The following GTF3C1 variants were observed in gnomAD, a reference collection of about 807,000 sequenced individuals.
The protein encoded by GTF3C1 is general transcription factor 3C polypeptide 1.
GTF3C1 carries 57 observed loss-of-function variants against 226.7 expected under a neutral mutation model. The observed-to-expected ratio is 0.25, with a 90% CI of 0.20 to 0.31. The LOEUF is 0.31. Among genes scored for constraint, GTF3C1 ranks in the 10% least tolerant of loss-of-function variants. The pLI, the probability that GTF3C1 is intolerant of heterozygous loss-of-function variation, is 1.00. For synonymous variants in GTF3C1, 1,090 were observed against 1,084.8 expected (o/e 1.00, Z -0.09); for missense variants, 2,217 against 2,776.1 (o/e 0.80, Z 4.53).
Position 27,535,295 on chromosome 16 carries a change from G to A in GTF3C1, c.753-1908C>T, listed in dbSNP as rs535936050. On this transcript the variant is annotated intron_variant, in intron 4 of 36. Transcript: ENST00000356183. ...GCTTAAAAATGCCATATGATGGGCCGGATGTGATGGCTCACGCTTGTAATC... is the reference window on the plus strand; with the variant it reads ...GCTTAAAAATGCCATATGATGGGCCAGATGTGATGGCTCACGCTTGTAATC... Among the ~76,000 whole-genome samples the A allele has an allele frequency of 4.6e-5, 7 of 152,302 alleles. No individual in the cohort carries two copies. In the South Asian group the frequency reaches 8.3e-4, roughly 18 times the overall value.
chr16:27,512,041 CTT>C, intron 6 of GTF3C1, 140 bp from the exon 7 acceptor site: 1 of 901,192 alleles, frequency 1.1e-6, no homozygotes, highest in Non-Finnish European at 1.7e-6. Context: ...CGTGTCTGGA[CTT>C]TTAAAAATGG....
intron 7 of GTF3C1, 127 bp from the exon 8 acceptor site, chr16:27,508,782 G>A (rs376790207): frequency 3.0e-6 from 2 of 672,810 alleles, no homozygotes; most frequent in Non-Finnish European, 2.6e-6. Context: ...CAAAACATAC[G>A]CCATTTCTCT....
Position 27,461,571 on chromosome 16 carries a change from AC to A in GTF3C1, c.6118-10del. 6.2e-7 allele frequency: 1 copy of A among 1,602,484 alleles called. No individual in the cohort carries two copies. Among genetic ancestry groups the A allele is most frequent in the Non-Finnish European group, 8.5e-7 (1 of 1,170,224 alleles). On this transcript the variant is annotated splice_polypyrimidine_tract_variant and intron_variant, in intron 36 of 36. Transcript: ENST00000356183. The surrounding 1 kb of genome is among the most constrained non-coding windows in gnomAD (Gnocchi z 5.3). Reference sequence around the variant, plus strand: ...CCGAGGGACTCCAGGCCCTGGAGACACCAGACACACAGGTTACAGCGGCACT... The same window carrying A: ...CCGAGGGACTCCAGGCCCTGGAGACACAGACACACAGGTTACAGCGGCACT...
chr16:27,518,659 CA>C (rs2088699342), intron 6 of GTF3C1, among the ~76,000 whole-genome samples: 1 of 152,104 alleles, frequency 6.6e-6, no homozygotes, highest in Non-Finnish European at 1.5e-5. Context: ...GTGCTGGGCC[CA>C]GAACATGTAC....
intron 6 of GTF3C1, among the ~76,000 whole-genome samples, chr16:27,520,334 C>T (rs533634547): frequency 6.6e-6 from 1 of 152,092 alleles, no homozygotes; most frequent in South Asian, 2.1e-4. Flanking sequence ...AAGCTGGTCT[C>T]CAACTCCTGA....
At position 27,493,106 on chromosome 16, in the gene GTF3C1, C is replaced by T. The variant is rs1002573895; in HGVS notation, c.2876+93G>A. 8.2e-6 allele frequency: 6 copies of T among 735,598 alleles called. No homozygotes were observed. The African/African-American group carries it at 8.8e-5, about 11-fold the overall frequency. 45.6% of individuals were successfully genotyped at this position (735,598 alleles called of 1,614,324 possible). Reference sequence around the variant, plus strand: ...TTTTTGCAAGCTGGAAGTTAGAAACCTTTTCCTCTTCCTGGTGAATGATGG... The same window carrying T: ...TTTTTGCAAGCTGGAAGTTAGAAACTTTTTCCTCTTCCTGGTGAATGATGG... On this transcript the variant is annotated intron_variant, in intron 17 of 36. Coordinates refer to ENST00000356183, the MANE Select transcript of GTF3C1 (RefSeq NM_001520.4).
At chr16:27,502,463 G>A (rs927986730) in intron 11 of GTF3C1, among the ~76,000 whole-genome samples, 4 of 152,078 alleles carry the variant, frequency 2.6e-5, no homozygotes, top group South Asian at 2.1e-4. Flanking sequence ...CTCTATTTGC[G>A]CAAAATGCAC....
chr16:27,471,575 T>C lies in GTF3C1; in HGVS notation c.4526+173A>G, dbSNP rs1336106920. On this transcript the variant is annotated intron_variant, in intron 30 of 36. Coordinates refer to ENST00000356183, the MANE Select transcript of GTF3C1 (RefSeq NM_001520.4). This position sits in a 1 kb window ranked among gnomAD's most constrained non-coding sequence, Gnocchi z 5.0. ...GCTGCCAGCGCTCACCTGATCCCCA[T>C]ACCACGAAGGAGGTAAGGGGCTGCA... The C allele has an allele frequency of 1.7e-6, 1 of 594,148 alleles. No homozygotes were observed. The highest frequency in any genetic ancestry group is 3.0e-6 in the Non-Finnish European group (1 of 332,626). The allele number at this position is 594,148 out of a possible 1,614,324, so 36.8% of individuals were successfully genotyped here.
chr16:27,494,470 TCTAC>T (rs1401108350), intron 16 of GTF3C1, among the ~76,000 whole-genome samples: 4 of 151,912 alleles, frequency 2.6e-5, no homozygotes, highest in African/African-American at 7.3e-5. Context: ...TGTCTTTCTG[TCTAC>T]CTACCTACCA....
chr16:27,526,656 C>T (rs541360555), intron 6 of GTF3C1, among the ~76,000 whole-genome samples: 1 of 152,240 alleles, frequency 6.6e-6, no homozygotes, highest in Non-Finnish European at 1.5e-5. Context: ...GTCAGTCAGT[C>T]GCCATTTGCC....
At chr16:27,523,681 A>G (rs966455819) in intron 6 of GTF3C1, among the ~76,000 whole-genome samples, 3 of 152,194 alleles carry the variant, frequency 2.0e-5, no homozygotes, top group Non-Finnish European at 2.9e-5. Flanking sequence ...TAAAAAGGAC[A>G]TAAAGCATGT....
chr16:27,504,695 C>A (rs1230573478), intron 10 of GTF3C1, among the ~76,000 whole-genome samples: 1 of 151,904 alleles, frequency 6.6e-6, no homozygotes. Flanking sequence ...GCGGGAGGAT[C>A]ACTTGAGCCC....
In GTF3C1 at chr16:27,463,142, G is replaced by A. The variant is rs369181424; in HGVS notation, c.5924+399C>T. 1.6e-3 allele frequency: 356 copies of A among 225,636 alleles called. 4 individuals are homozygous for A. The South Asian group carries it at 0.027, about 17-fold the overall frequency. 14.0% of individuals were successfully genotyped at this position (225,636 alleles called of 1,614,324 possible). A position where few individuals can be genotyped will look rare whatever the true frequency, so the allele number is the denominator to read the frequency against. ...GGCTTCTGCGGCCCCCTTGCTTCCT[G>A]TAACTCTGTGGCATGGTTGTCCCGG... On this transcript the variant is annotated intron_variant, in intron 35 of 36. Coordinates refer to ENST00000356183, the MANE Select transcript of GTF3C1 (RefSeq NM_001520.4). The surrounding 1 kb of genome is among the most constrained non-coding windows in gnomAD (Gnocchi z 4.9).
chr16:27,492,791 G>C lies in GTF3C1; in HGVS notation c.2877-78C>G. ...CGCAGGGGTCTGCATGTGGGGTGAGGGGTGCGACTTCCTTCTTCTCTTTTC... is the reference window on the plus strand; with the variant it reads ...CGCAGGGGTCTGCATGTGGGGTGAGCGGTGCGACTTCCTTCTTCTCTTTTC... On this transcript the variant is annotated intron_variant, in intron 17 of 36. Coordinates refer to ENST00000356183, the MANE Select transcript of GTF3C1 (RefSeq NM_001520.4). The surrounding 1 kb of genome is among the most constrained non-coding windows in gnomAD (Gnocchi z 5.0). 1.2e-6 allele frequency: 1 copy of C among 832,912 alleles called. No individual in the cohort carries two copies. Among genetic ancestry groups the C allele is most frequent in the South Asian group, 1.3e-5 (1 of 75,062 alleles). 51.6% of individuals were successfully genotyped at this position (832,912 alleles called of 1,614,324 possible). A position where few individuals can be genotyped will look rare whatever the true frequency, so the allele number is the denominator to read the frequency against.
At chr16:27,518,769 C>A (rs1224765872) in intron 6 of GTF3C1, among the ~76,000 whole-genome samples, 1 of 152,174 alleles carries the variant, frequency 6.6e-6, no homozygotes, top group African/African-American at 2.4e-5. Context: ...GCTTCACATG[C>A]CTGGGTTTGA....
At chr16:27,541,931 C>T (rs751504833) in intron 2 of GTF3C1, among the ~76,000 whole-genome samples, 9 of 152,154 alleles carry the variant, frequency 5.9e-5, no homozygotes, top group Non-Finnish European at 8.8e-5. Context: ...CTATATCACC[C>T]TGTAAAAAAT....
chr16:27,484,351 C>G lies in GTF3C1; in HGVS notation c.3861G>C (p.Val1287=), dbSNP rs143844953. The G allele has an allele frequency of 2.5e-6, 4 of 1,605,718 alleles. No individual in the cohort carries two copies. The highest frequency in any genetic ancestry group is 3.4e-6 in the Non-Finnish European group (4 of 1,172,474). ...RIASNVLNTK[V]KGPFVTWQVV... Reference sequence around the variant, plus strand: ...CCTGCCAGGTGACAAATGGGCCCTTCACCTGGATCAAACACAGAGCCAAGA... The same window carrying G: ...CCTGCCAGGTGACAAATGGGCCCTTGACCTGGATCAAACACAGAGCCAAGA... The change falls in exon 25 of 37, where the codon GTG becomes GTC. Residue 1287 remains valine, a splice_region_variant and synonymous_variant. Coordinates refer to ENST00000356183, the MANE Select transcript of GTF3C1 (RefSeq NM_001520.4).
chr16:27,520,343 G>A (rs2088726335), intron 6 of GTF3C1, among the ~76,000 whole-genome samples: 1 of 152,128 alleles, frequency 6.6e-6, no homozygotes, highest in African/African-American at 2.4e-5. Flanking sequence ...TCCAACTCCT[G>A]ACCTCAAATG....
Position 27,470,146 on chromosome 16 carries a change from C to G in GTF3C1, c.4776G>C (p.Val1592=), listed in dbSNP as rs1196527413. 6.2e-7 allele frequency: 1 copy of G among 1,614,116 alleles called. No homozygotes were observed. Among genetic ancestry groups the G allele is most frequent in the Admixed American group, 1.7e-5 (1 of 60,022 alleles). Residue 1592 remains valine (V), a synonymous_variant, in exon 31 of 37, where the codon GTG becomes GTC. Transcript: ENST00000356183. The surrounding 1 kb of genome is among the most constrained non-coding windows in gnomAD (Gnocchi z 4.9). ...VDVRIPEQII[V]VDSSMVENEV... ...CATTCTCCACCATTGAGCTGTCTAC[C>G]ACGATGATCTGCTCCGGGATCCTGA...
Sources: gnomAD v4.1 joint callset for allele counts (sites outside exome capture counted in the v4.1 genomes callset) on GRCh38, gnomAD v4.1.1 for gene constraint, Gnocchi (gnomAD v3.1) non-coding constraint, MANE v1.5 for transcripts, NCBI Gene and HGNC (gene_info 2026-07-23, HGNC 2026-07-21) for gene names.